The following NTRK2 variants were observed in gnomAD, a reference collection of about 807,000 sequenced individuals.
NTRK2 encodes the protein neurotrophic receptor tyrosine kinase 2, also known as BDNF/NT-3 growth factors receptor.
In NTRK2, 13 loss-of-function variants were observed where a neutral mutation model predicts 94.5. The ratio of observed to expected loss-of-function variants is 0.14; its 90% CI spans 0.09 to 0.22. The LOEUF (loss-of-function observed/expected upper bound fraction) is 0.22. NTRK2 is among the 10% of genes least tolerant of loss of function. NTRK2 has a pLI of 1.00. For missense variants in NTRK2, 639 were observed against 1,071.2 expected (o/e 0.60, Z 5.63); for synonymous variants, 372 against 407.4 (o/e 0.91, Z 1.05).
At position 84,833,038 on chromosome 9, in the gene NTRK2, A is replaced by T. The variant is rs60538698; in HGVS notation, c.1397-28002A>T. 2.3e-3 allele frequency among the ~76,000 whole-genome samples: 327 copies of T among 145,198 alleles called. 1 individual carries two copies. The highest frequency in any genetic ancestry group is 7.6e-3 in the African/African-American group (302 of 39,722). ...CCCACAGCTGAGGCTGCCCTTCTTC[A>T]AGTGTGGCCTGTCTCAGAATCATCC... On this transcript the variant is annotated intron_variant, in intron 12 of 18. Coordinates refer to ENST00000277120, the MANE Select transcript of NTRK2 (RefSeq NM_006180.6).
chr9:84,854,351 C>T (rs1427052577), intron 12 of NTRK2, among the ~76,000 whole-genome samples: 1 of 152,142 alleles, frequency 6.6e-6, no homozygotes, highest in Non-Finnish European at 1.5e-5. Context: ...CTTGACTACT[C>T]CTTTTGTGCT....
At chr9:84,928,069 C>T (rs974696292) in intron 14 of NTRK2, among the ~76,000 whole-genome samples, 1 of 152,064 alleles carries the variant, frequency 6.6e-6, no homozygotes, top group Non-Finnish European at 1.5e-5. Context: ...TCTATTTCAT[C>T]CTTAATATTA....
intron 12 of NTRK2, among the ~76,000 whole-genome samples, chr9:84,754,944 A>G (rs1377269705): frequency 6.6e-6 from 1 of 152,172 alleles, no homozygotes; most frequent in East Asian, 1.9e-4. Flanking sequence ...TGACAGTTCA[A>G]TGCTGCTGAT....
intron 14 of NTRK2, chr9:84,872,889 C>T: frequency 1.9e-6 from 2 of 1,065,424 alleles, no homozygotes; most frequent in Non-Finnish European, 2.3e-6. Context: ...CCATTCTGCT[C>T]CCCTCAACAG....
chr9:84,932,912 A>G (rs2078088034), intron 14 of NTRK2, among the ~76,000 whole-genome samples: 1 of 152,204 alleles, frequency 6.6e-6, no homozygotes, highest in Non-Finnish European at 1.5e-5. Flanking sequence ...CATGTTTAGT[A>G]CAGTTTACAA....
At chr9:84,886,701 T>G (rs1271848813) in intron 14 of NTRK2, among the ~76,000 whole-genome samples, 1 of 152,254 alleles carries the variant, frequency 6.6e-6, no homozygotes, top group Non-Finnish European at 1.5e-5. Context: ...CACCATCTCC[T>G]GTTACCTTTA....
At chr9:84,795,368 C>G (rs1251777220) in intron 12 of NTRK2, among the ~76,000 whole-genome samples, 2 of 152,186 alleles carry the variant, frequency 1.3e-5, no homozygotes, top group African/African-American at 4.8e-5. Context: ...CAGGGACAGT[C>G]TTGGCCACGT....
chr9:84,914,070 C>T (rs758370134), intron 14 of NTRK2, among the ~76,000 whole-genome samples: 10 of 151,942 alleles, frequency 6.6e-5, no homozygotes, highest in South Asian at 2.1e-4. Context: ...CCTCTTTATT[C>T]GGTAGTTGAA....
At chr9:84,678,373 G>T (rs74387424) in intron 2 of NTRK2, among the ~76,000 whole-genome samples, 1 of 152,130 alleles carries the variant, frequency 6.6e-6, no homozygotes, top group Non-Finnish European at 1.5e-5. Flanking sequence ...CAACATAAAC[G>T]AACAATGTAA....
At chr9:84,725,872 T>C (rs1275417027) in intron 8 of NTRK2, among the ~76,000 whole-genome samples, 1 of 152,146 alleles carries the variant, frequency 6.6e-6, no homozygotes, top group Non-Finnish European at 1.5e-5. Context: ...AGGGACATAG[T>C]CACAACATAC....
intron 17 of NTRK2, among the ~76,000 whole-genome samples, chr9:84,958,142 G>A (rs1156865754): frequency 1.3e-5 from 2 of 151,708 alleles, no homozygotes; most frequent in East Asian, 1.9e-4. Context: ...TTTTGGGGGT[G>A]ATGAAAATGT....
intron 2 of NTRK2, 131 bp downstream of exon 2, chr9:84,671,091 G>A (rs996426712): frequency 9.5e-6 from 8 of 843,370 alleles, no homozygotes; most frequent in African/African-American, 1.7e-5. Flanking sequence ...GCAGGACAGG[G>A]TCATCTGTCA....
chr9:84,805,444 C>T (rs146566660), intron 12 of NTRK2, among the ~76,000 whole-genome samples: 41 of 152,208 alleles, frequency 2.7e-4, no homozygotes, highest in African/African-American at 8.7e-4. Context: ...CCAGGAAGTA[C>T]TCACTGTGTG....
intron 9 of NTRK2, among the ~76,000 whole-genome samples, chr9:84,741,162 G>A (rs923326690): frequency 5.3e-5 from 8 of 152,226 alleles, no homozygotes; most frequent in African/African-American, 1.9e-4. Flanking sequence ...AATGTTTTTG[G>A]CAAGTCTCAT....
intron 17 of NTRK2, among the ~76,000 whole-genome samples, chr9:84,956,320 G>A (rs1190647314): frequency 6.6e-6 from 1 of 152,166 alleles, no homozygotes; most frequent in Non-Finnish European, 1.5e-5. Flanking sequence ...TCACTGAGAG[G>A]CAGAGTTACA....
intron 12 of NTRK2, among the ~76,000 whole-genome samples, chr9:84,772,865 C>A (rs188225242): frequency 7.5e-4 from 114 of 152,250 alleles, no homozygotes; most frequent in Admixed American, 2.0e-3. Context: ...TATGAGAGAA[C>A]AGTGGCAGGG....
chr9:84,748,859 T>C (rs11140749), intron 11 of NTRK2, among the ~76,000 whole-genome samples: 6,479 of 152,262 alleles, frequency 0.043, 211 homozygotes, highest in Middle Eastern at 0.095. Flanking sequence ...TCAGCTTGAG[T>C]GAAATGGTTA....
intron 12 of NTRK2, among the ~76,000 whole-genome samples, chr9:84,839,731 C>T (rs910063347): frequency 1.3e-5 from 2 of 152,224 alleles, no homozygotes; most frequent in African/African-American, 2.4e-5. Flanking sequence ...TGTGGGTTTT[C>T]TCTGCTTTGC....
At chr9:84,731,762 G>A (rs1195707909) in intron 9 of NTRK2, among the ~76,000 whole-genome samples, 1 of 152,110 alleles carries the variant, frequency 6.6e-6, no homozygotes, top group African/African-American at 2.4e-5. Context: ...CAGTCACAGC[G>A]TGTGAGGATG....
Sources: allele counts gnomAD v4.1 joint callset (sites outside exome capture counted in the v4.1 genomes callset), GRCh38; gene constraint gnomAD v4.1.1; transcripts MANE v1.5; gene names NCBI Gene and HGNC (gene_info 2026-07-23, HGNC 2026-07-21).